SLC13A3: variants seen among roughly 807,000 people sequenced by gnomAD.
SLC13A3 encodes solute carrier family 13 member 3, also known as Na(+)/dicarboxylate cotransporter 3.
Under a neutral mutation model 59.0 loss-of-function variants are expected in SLC13A3, and 40 were observed. The observed-to-expected ratio is 0.68, with a 90% CI of 0.53 to 0.88. The LOEUF is 0.88. Among genes scored for constraint, SLC13A3 ranks in the 40% least tolerant of loss-of-function variants. SLC13A3 has a pLI of 0.00. For missense variants in SLC13A3, 699 were observed against 783.2 expected, an observed-to-expected ratio of 0.89 and a Z score of 1.28; for synonymous variants, 317 against 330.3, an observed-to-expected ratio of 0.96 and a Z score of 0.44.
At chr20:46,637,029 G>C (rs1267499967) in intron 1 of SLC13A3, among the ~76,000 whole-genome samples, 1 of 152,068 alleles carries the variant, frequency 6.6e-6, no homozygotes, top group Non-Finnish European at 1.5e-5. Context: ...TCGATCTCCT[G>C]ACCTTGTGAT....
chr20:46,593,854 T>C (rs1379638823), intron 5 of SLC13A3, among the ~76,000 whole-genome samples: 1 of 152,180 alleles, frequency 6.6e-6, no homozygotes, highest in Non-Finnish European at 1.5e-5. Context: ...TATATGGACA[T>C]AGAAAAGTCT....
At chr20:46,591,102 G>A (rs1252079130) in intron 6 of SLC13A3, among the ~76,000 whole-genome samples, 1 of 151,984 alleles carries the variant, frequency 6.6e-6, no homozygotes, top group African/African-American at 2.4e-5. Context: ...CCTGGGAGGT[G>A]GAGGTTGCAC....
chr20:46,572,542 C>A (rs904075480), intron 10 of SLC13A3, among the ~76,000 whole-genome samples: 1 of 152,148 alleles, frequency 6.6e-6, no homozygotes, highest in Non-Finnish European at 1.5e-5. Flanking sequence ...CATCCAGCCT[C>A]CTTCCTCTAG....
At chr20:46,613,056 T>C (rs970952832) in intron 2 of SLC13A3, among the ~76,000 whole-genome samples, 1 of 152,144 alleles carries the variant, frequency 6.6e-6, no homozygotes, top group African/African-American at 2.4e-5. Flanking sequence ...ACATCACTAT[T>C]TCACAGGCAG....
intron 1 of SLC13A3, among the ~76,000 whole-genome samples, chr20:46,632,942 T>TCTAC (rs2062759479): frequency 1.4e-5 from 1 of 68,974 alleles, no homozygotes; most frequent in Non-Finnish European, 3.3e-5. Flanking sequence ...TATCTATCTA[T>TCTAC]CTATCTATCT....
chr20:46,578,224 C>A (rs2062098460), intron 9 of SLC13A3, among the ~76,000 whole-genome samples: 1 of 151,926 alleles, frequency 6.6e-6, no homozygotes, highest in Non-Finnish European at 1.5e-5. Context: ...GCCACCACGC[C>A]CGGTCAGTCC....
intron 1 of SLC13A3, among the ~76,000 whole-genome samples, chr20:46,668,890 C>A (rs2063075601): frequency 6.6e-6 from 1 of 152,208 alleles, no homozygotes; most frequent in Non-Finnish European, 1.5e-5. Context: ...GCATGTTTTA[C>A]TGAATATTTT....
At chr20:46,597,437 T>TA (rs969978278) in intron 4 of SLC13A3, among the ~76,000 whole-genome samples, 8 of 152,198 alleles carry the variant, frequency 5.3e-5, no homozygotes, top group Non-Finnish European at 1.0e-4. Flanking sequence ...TATTATTTAT[T>TA]TTTATTTTTC....
rs539887155 is a variant in SLC13A3, at chr20:46,567,276, G to A, written c.1333-886C>T. ...CAATGATAATACTACAAATATTAAC[G>A]TTGCATTATTATTCATTGTCGTAAG... On this transcript the variant is annotated intron_variant, in intron 10 of 12. Transcript: ENST00000279027. Among the ~76,000 whole-genome samples, 164 of 152,096 alleles carry A rather than the reference G, an allele frequency of 1.1e-3. 1 individual carries two copies. Among genetic ancestry groups the A allele is most frequent in the Middle Eastern group, 0.01 (3 of 292 alleles).
intron 1 of SLC13A3, among the ~76,000 whole-genome samples, chr20:46,632,348 G>A (rs1046240341): frequency 6.6e-6 from 1 of 152,178 alleles, no homozygotes; most frequent in Admixed American, 6.5e-5. Flanking sequence ...AGGCACTCAG[G>A]ACTGGTGTCG....
chr20:46,607,370 C>G (rs1322090417), intron 3 of SLC13A3, among the ~76,000 whole-genome samples: 1 of 152,168 alleles, frequency 6.6e-6, no homozygotes, highest in Non-Finnish European at 1.5e-5. Flanking sequence ...GGCAGAATCT[C>G]TACTCCCTCC....
Position 46,563,511 on chromosome 20 carries a change from G to A in SLC13A3, c.1535C>T (p.Pro512Leu), listed in dbSNP as rs755063503. 10 of 1,613,924 alleles carry A rather than the reference G, an allele frequency of 6.2e-6. No homozygotes were observed. Among genetic ancestry groups the A allele is most frequent in the South Asian group, 1.1e-5 (1 of 91,044 alleles). Residue 512 changes from proline (P) to leucine (L), a missense_variant, in exon 12 of 13, where the codon CCG becomes CTG. By Grantham distance (98) the Pro-to-Leu change is moderately conservative. Transcript: ENST00000279027. ...GGCAAAGGAGCAGCCGACTGTGCCC[G>A]GAATCATCAGATACAGGGGGTGCAC... ...LRVHPLYLMI[P>L]GTVGCSFAFM...
chr20:46,650,491 G>T (rs2103245), intron 1 of SLC13A3, among the ~76,000 whole-genome samples: 1 of 152,174 alleles, frequency 6.6e-6, no homozygotes, highest in African/African-American at 2.4e-5. Flanking sequence ...TCCTCATCAC[G>T]TAAGGACCTG....
At position 46,563,465 on chromosome 20, in the gene SLC13A3, C is replaced by T. The variant is rs368096069; in HGVS notation, c.1581G>A (p.Thr527=). 7 of 1,614,032 alleles carry T rather than the reference C, an allele frequency of 4.3e-6. No homozygotes were observed. The highest frequency in any genetic ancestry group is 2.2e-5 in the South Asian group (2 of 91,060). ...CSFAFMLPVS[T]PPNSIAFASG... ...AGGCGAAGGCGATGGAGTTGGGGGG[C>T]GTTGAGACCGGGAGCATGAAGGCAA... Residue 527 remains threonine (T), a synonymous_variant, in exon 12 of 13, where the codon ACG becomes ACA. Coordinates refer to ENST00000279027, the MANE Select transcript of SLC13A3 (RefSeq NM_022829.6).
In SLC13A3 at chr20:46,613,704, T is replaced by C; in HGVS notation, c.133A>G (p.Ile45Val). Residue 45 changes from isoleucine (I) to valine (V), a missense_variant, in exon 2 of 13, where the codon ATC (isoleucine) becomes GTC (valine). Physicochemically the swap from Ile to Val is conservative, Grantham distance 29. Coordinates refer to ENST00000279027, the MANE Select transcript of SLC13A3 (RefSeq NM_022829.6). ...PPKEGRCLFVILLMAVYWCTE... is the reference protein window; with the variant it reads ...PPKEGRCLFVVLLMAVYWCTE... ...CACCAGTACACCGCCATGAGCAGGATGACAAACAAGCAGCGGCCTTCCTGC... is the reference window on the plus strand; with the variant it reads ...CACCAGTACACCGCCATGAGCAGGACGACAAACAAGCAGCGGCCTTCCTGC... The C allele has an allele frequency of 6.2e-7, 1 of 1,600,920 alleles. No individual in the cohort carries two copies. The highest frequency in any genetic ancestry group is 8.5e-7 in the Non-Finnish European group (1 of 1,173,370).
chr20:46,613,795 C>A, intron 1 of SLC13A3, 70 bp from the exon 2 acceptor site: 2 of 1,373,834 alleles, frequency 1.5e-6, no homozygotes, highest in Non-Finnish European at 2.0e-6. Context: ...GCCCAGGGCT[C>A]AGGGCAGAGG....
At chr20:46,584,600 T>C (rs571698250) in intron 8 of SLC13A3, 4 of 629,702 alleles carry the variant, frequency 6.4e-6, no homozygotes, top group South Asian at 7.1e-5. Context: ...AAAACACTAA[T>C]GGTATACCAT....
chr20:46,670,955 T>C (rs1282867235), upstream of SLC13A3, among the ~76,000 whole-genome samples: 1 of 152,074 alleles, frequency 6.6e-6, no homozygotes, highest in Admixed American at 6.5e-5. Context: ...TGTTGAGCCT[T>C]ATGTGTCTAT....
intron 3 of SLC13A3, among the ~76,000 whole-genome samples, chr20:46,600,310 AGAGGGAAGGAAGGAAAG>A (rs1347610654): frequency 3.4e-5 from 2 of 58,374 alleles, no homozygotes; most frequent in Non-Finnish European, 5.9e-5. Context: ...AAAGAAAGAA[AGAGGGAAGGAAGGAAAG>A]GAAGGAAGGA....
Sources: gnomAD v4.1 joint callset for allele counts (sites outside exome capture counted in the v4.1 genomes callset) on GRCh38, gnomAD v4.1.1 for gene constraint, MANE v1.5 for transcripts, NCBI Gene and HGNC (gene_info 2026-07-23, HGNC 2026-07-21) for gene names.